The following CDK19 variants were observed in gnomAD, a reference collection of about 807,000 sequenced individuals.
CDK19 encodes cyclin dependent kinase 19, also known as cyclin-dependent kinase 19.
A neutral mutation model predicts 68.3 loss-of-function variants in CDK19; 20 were observed. The ratio of observed to expected loss-of-function variants is 0.29; its 90% CI spans 0.21 to 0.43. The LOEUF (loss-of-function observed/expected upper bound fraction) is 0.43. Among genes scored for constraint, CDK19 ranks in the 20% least tolerant of loss-of-function variants. The pLI is 1.00. For missense variants in CDK19, 339 were observed against 623.5 expected (o/e 0.54, Z 4.86); for synonymous variants, 221 against 222.8 (o/e 0.99, Z 0.07).
intron 1 of CDK19, among the ~76,000 whole-genome samples, chr6:110,763,739 T>C (rs926524587): frequency 1.3e-5 from 2 of 152,034 alleles, no homozygotes; most frequent in African/African-American, 2.4e-5. Context: ...TTAATCAACA[T>C]AGACTGCAAG....
chr6:110,814,623 A>T (rs1175448327), intron 1 of CDK19: 2 of 471,192 alleles, frequency 4.2e-6, no homozygotes, highest in Non-Finnish European at 8.4e-6. Flanking sequence ...GACCGTCACT[A>T]CCCAGGGCCG....
rs770697184 is a variant in CDK19, at chr6:110,621,152, C to T, written c.1329G>A (p.Gly443=). 6 of 1,614,158 alleles carry T rather than the reference C, an allele frequency of 3.7e-6. No homozygotes were observed. The highest frequency in any genetic ancestry group is 5.1e-6 in the Non-Finnish European group (6 of 1,180,016). The change falls in exon 12 of 13, where the codon GGG becomes GGA. Residue 443 remains glycine, a synonymous_variant. Transcript: ENST00000368911. This position sits in a 1 kb window ranked among gnomAD's most constrained non-coding sequence, Gnocchi z 5.4. The part of the protein sequence containing the change: ...QVPPNKKPRL[G]PSGANSGGPV... ...GTCCACCTGAGTTTGCGCCTGAAGG[C>T]CCTAGCCGTGGCTTCTTGTTTGGAG...
chr6:110,705,270 C>T (rs1272656785), intron 2 of CDK19, among the ~76,000 whole-genome samples: 1 of 152,136 alleles, frequency 6.6e-6, no homozygotes, highest in Non-Finnish European at 1.5e-5. Flanking sequence ...AAACTCCCAA[C>T]CTCAGGTGAT....
intron 2 of CDK19, among the ~76,000 whole-genome samples, chr6:110,673,909 C>T (rs1199831378): frequency 6.6e-6 from 1 of 152,008 alleles, no homozygotes; most frequent in Admixed American, 6.6e-5. Context: ...GTCTCCTTTC[C>T]ATATGTCATA....
intron 1 of CDK19, among the ~76,000 whole-genome samples, chr6:110,804,671 T>C (rs1782554690): frequency 6.8e-6 from 1 of 146,208 alleles, no homozygotes; most frequent in Non-Finnish European, 1.5e-5. Flanking sequence ...TATAAAGACC[T>C]GTTGCCGGGC....
chr6:110,814,846 G>T, intron 1 of CDK19, 163 bp downstream of exon 1: 2 of 894,556 alleles, frequency 2.2e-6, no homozygotes, highest in Non-Finnish European at 1.7e-6. Flanking sequence ...GGGGAGGCGG[G>T]CGGAACGGGC....
Position 110,810,820 on chromosome 6 carries a change from T to C in CDK19, c.128+4189A>G, listed in dbSNP as rs560990384. On this transcript the variant is annotated intron_variant, in intron 1 of 12. Coordinates refer to ENST00000368911, the MANE Select transcript of CDK19 (RefSeq NM_015076.5). ...AAAGAAAAGCAGCAGCTACATGTAG[T>C]AGAATCTACAGTCCTGCACTCCCAC... Among the ~76,000 whole-genome samples, 16 of 151,588 alleles carry C rather than the reference T, an allele frequency of 1.1e-4. No homozygotes were observed. In the South Asian group the frequency reaches 3.1e-3, roughly 30 times the overall value.
intron 4 of CDK19, among the ~76,000 whole-genome samples, chr6:110,640,347 C>T (rs999170857): frequency 5.3e-5 from 8 of 150,762 alleles, no homozygotes; most frequent in Non-Finnish European, 4.4e-5. Context: ...CGTTATATTA[C>T]AGTCAGTGAG....
intron 1 of CDK19, among the ~76,000 whole-genome samples, chr6:110,747,216 A>G (rs1402494936): frequency 6.6e-6 from 1 of 152,180 alleles, no homozygotes; most frequent in Non-Finnish European, 1.5e-5. Context: ...TTACCTGCAG[A>G]TAGAGCAGTT....
chr6:110,660,314 G>A (rs1455459127), intron 4 of CDK19, among the ~76,000 whole-genome samples: 1 of 152,162 alleles, frequency 6.6e-6, no homozygotes, highest in Admixed American at 6.5e-5. Context: ...GTACTTTTGG[G>A]TGCCAGCAGG....
At chr6:110,763,309 T>C (rs1036714063) in intron 1 of CDK19, among the ~76,000 whole-genome samples, 22 of 151,912 alleles carry the variant, frequency 1.4e-4, no homozygotes, top group African/African-American at 5.1e-4. Flanking sequence ...CTACCAAATA[T>C]AGAATAATAT....
At chr6:110,679,930 CAATAAATATTTGTCA>C (rs1206638890) in intron 2 of CDK19, among the ~76,000 whole-genome samples, 2 of 152,148 alleles carry the variant, frequency 1.3e-5, no homozygotes, top group African/African-American at 4.8e-5. Context: ...AATAAGCATT[CAATAAATATTTGTCA>C]AATAAATTAA....
rs190608255 is a variant in CDK19 at position 110,705,238 on chromosome 6, C to T, written c.205-34697G>A. Among the ~76,000 whole-genome samples the T allele has an allele frequency of 6.2e-4, 95 of 152,212 alleles. 1 individual carries two copies. Among genetic ancestry groups the T allele is most frequent in the Admixed American group, 2.3e-3 (35 of 15,294 alleles). On this transcript the variant is annotated intron_variant, in intron 2 of 12. Transcript: ENST00000368911. ...TATTTTTAGTAGAGACGGGGTTTCT[C>T]CATGTTGGTCAGGCTGGTCTCAAAC...
chr6:110,646,786 C>T (rs532915016), intron 4 of CDK19, among the ~76,000 whole-genome samples: 2 of 152,174 alleles, frequency 1.3e-5, no homozygotes, highest in South Asian at 4.2e-4. Flanking sequence ...TCTGACTCAT[C>T]GTGGGGTGGC....
intron 4 of CDK19, among the ~76,000 whole-genome samples, chr6:110,647,853 A>C (rs1780709652): frequency 6.6e-6 from 1 of 152,232 alleles, no homozygotes; most frequent in Admixed American, 6.5e-5. Flanking sequence ...GGCCAACCTT[A>C]CTCATGAATA....
chr6:110,614,439 G>T lies in CDK19; in HGVS notation c.*96C>A. ...CCTCCCATGTGTATGAGTTTTAAATGGCATCATAGTTTGCATTTTTTTGGT... is the reference window on the plus strand; with the variant it reads ...CCTCCCATGTGTATGAGTTTTAAATTGCATCATAGTTTGCATTTTTTTGGT... On this transcript the variant is annotated 3_prime_UTR_variant, in exon 13 of 13. Transcript: ENST00000368911. 1 of 1,170,886 alleles carries T rather than the reference G, an allele frequency of 8.5e-7. No homozygotes were observed. The highest frequency in any genetic ancestry group is 1.2e-6 in the Non-Finnish European group (1 of 819,694). The allele number at this position is 1,170,886 out of a possible 1,614,324, so 72.5% of individuals were successfully genotyped here.
rs185746066 is a variant in CDK19, at chr6:110,791,658, A to C, written c.128+23351T>G. ...TCTTTTTGCTTATCTTTGTTTCCTAATTTTTCTTTTTTTTATAGAGACAAG... is the reference window on the plus strand; with the variant it reads ...TCTTTTTGCTTATCTTTGTTTCCTACTTTTTCTTTTTTTTATAGAGACAAG... On this transcript the variant is annotated intron_variant, in intron 1 of 12. Coordinates refer to ENST00000368911, the MANE Select transcript of CDK19 (RefSeq NM_015076.5). 2.9e-4 allele frequency among the ~76,000 whole-genome samples: 44 copies of C among 152,026 alleles called. 1 individual carries two copies. Among genetic ancestry groups the C allele is most frequent in the Admixed American group, 2.4e-3 (37 of 15,254 alleles).
chr6:110,637,630 T>C (rs1043005189), intron 5 of CDK19, among the ~76,000 whole-genome samples: 6 of 152,216 alleles, frequency 3.9e-5, no homozygotes, highest in Non-Finnish European at 5.9e-5. Flanking sequence ...GATTAACACA[T>C]TTTAACATAT....
intron 2 of CDK19, among the ~76,000 whole-genome samples, chr6:110,690,082 A>C (rs1188212161): frequency 6.6e-6 from 1 of 152,150 alleles, no homozygotes; most frequent in Non-Finnish European, 1.5e-5. Flanking sequence ...GGTGCTCATG[A>C]AGGGTCTTGG....
Sources: allele counts gnomAD v4.1 joint callset (sites outside exome capture counted in the v4.1 genomes callset), GRCh38; gene constraint gnomAD v4.1.1; non-coding constraint Gnocchi (gnomAD v3.1); transcripts MANE v1.5; gene names NCBI Gene and HGNC (gene_info 2026-07-23, HGNC 2026-07-21).